The following POLR3G variants were observed in gnomAD, a reference collection of about 807,000 sequenced individuals.
POLR3G encodes the protein DNA-directed RNA polymerase III subunit RPC7.
A neutral mutation model predicts 30.1 loss-of-function variants in POLR3G; 28 were observed. That is an observed-to-expected ratio of 0.93 (90% CI 0.69 to 1.27). POLR3G has a LOEUF of 1.27. Among genes scored for constraint, POLR3G ranks in the 50% most tolerant of loss-of-function variants. The probability of loss-of-function intolerance (pLI) is 0.00; values close to 1 mark genes in which losing one functional copy is unlikely to be tolerated. For missense variants in POLR3G, 254 were observed against 264.6 expected (o/e 0.96, Z 0.28); for synonymous variants, 79 against 82.5 (o/e 0.96, Z 0.23).
At chr5:90,511,245 G>A (rs1415980438) in intron 7 of POLR3G, among the ~76,000 whole-genome samples, 2 of 152,042 alleles carry the variant, frequency 1.3e-5, no homozygotes, top group South Asian at 2.1e-4. Flanking sequence ...CAACATCACT[G>A]TATCATTATA....
rs1054964202 is a variant in POLR3G at position 90,500,166 on chromosome 5, AT to A, written c.356-1738del. Among the ~76,000 whole-genome samples, 64 of 152,262 alleles carry A rather than the reference AT, an allele frequency of 4.2e-4. 1 individual carries two copies. The highest frequency in any genetic ancestry group is 1.3e-3 in the African/African-American group (53 of 41,568). ...TTTGCTCTAGTATTTTTTATTACAT[AT>A]TGTGTAATTTTTATGTCTTGTTTCT... On this transcript the variant is annotated intron_variant, in intron 5 of 7. Coordinates refer to ENST00000651687, the MANE Select transcript of POLR3G (RefSeq NM_006467.3).
chr5:90,485,152 G>T (rs910581251), intron 1 of POLR3G, among the ~76,000 whole-genome samples: 2 of 152,156 alleles, frequency 1.3e-5, no homozygotes, highest in Non-Finnish European at 2.9e-5. Flanking sequence ...AAGTATATAT[G>T]ACTAATGATA....
At chr5:90,496,755 G>T (rs1752016479) in intron 4 of POLR3G, among the ~76,000 whole-genome samples, 1 of 152,126 alleles carries the variant, frequency 6.6e-6, no homozygotes, top group African/African-American at 2.4e-5. Context: ...AAACATAGAT[G>T]GCATTAACAG....
rs1247018668 is a variant in POLR3G, at chr5:90,512,544, G to C, written c.*405G>C. On this transcript the variant is annotated 3_prime_UTR_variant, in exon 8 of 8. Transcript: ENST00000651687. ...CCTGAAAGTTGATATAATACAGCAC[G>C]TGGAGCACTTTAAAAACAAAGAAAC... The C allele has an allele frequency of 6.3e-6, 1 of 158,290 alleles. No homozygotes were observed. Among genetic ancestry groups the C allele is most frequent in the Non-Finnish European group, 1.4e-5 (1 of 71,366 alleles). The allele number at this position is 158,290 out of a possible 1,614,324, so 9.8% of individuals were successfully genotyped here.
intron 7 of POLR3G, among the ~76,000 whole-genome samples, chr5:90,510,112 C>T (rs1752668779): frequency 6.6e-6 from 1 of 152,154 alleles, no homozygotes; most frequent in Non-Finnish European, 1.5e-5. Flanking sequence ...GGTCAATACT[C>T]TAGACAAGAC....
chr5:90,501,837 C>A, intron 5 of POLR3G, 69 bp from the exon 6 acceptor site: 1 of 1,570,250 alleles, frequency 6.4e-7, no homozygotes, highest in Non-Finnish European at 8.7e-7. Flanking sequence ...ACAGCATACG[C>A]AAAGACAAGG....
At chr5:90,494,094 C>G (rs906580163) in intron 3 of POLR3G, among the ~76,000 whole-genome samples, 10 of 152,122 alleles carry the variant, frequency 6.6e-5, no homozygotes, top group Non-Finnish European at 1.0e-4. Flanking sequence ...CTCCCTCCTT[C>G]CAACCCATGG....
chr5:90,498,383 T>C (rs1438811408), intron 5 of POLR3G, among the ~76,000 whole-genome samples: 1 of 152,160 alleles, frequency 6.6e-6, no homozygotes, highest in Non-Finnish European at 1.5e-5. Flanking sequence ...GTAGTGAGTG[T>C]ACTACCTAAT....
At chr5:90,492,593 G>C (rs1214807202) in intron 3 of POLR3G, among the ~76,000 whole-genome samples, 1 of 152,102 alleles carries the variant, frequency 6.6e-6, no homozygotes, top group Non-Finnish European at 1.5e-5. Context: ...ATAGAAGTAT[G>C]AGACATCAGC....
intron 7 of POLR3G, among the ~76,000 whole-genome samples, chr5:90,510,795 G>C (rs1288797712): frequency 6.6e-6 from 1 of 151,336 alleles, no homozygotes; most frequent in African/African-American, 2.4e-5. Flanking sequence ...TCTAAAGAAT[G>C]CATATACAGT....
rs1347103499 is a variant in POLR3G, at chr5:90,512,300, A to G, written c.*161A>G. On this transcript the variant is annotated 3_prime_UTR_variant, in exon 8 of 8. Transcript: ENST00000651687. ...CAAAACCACTTTGAGTTTACATACT[A>G]GTTACCTTAAAAATTATTCCCTGAC... is the stretch of plus-strand genomic sequence containing the variant. 2 of 566,474 alleles carry G rather than the reference A, an allele frequency of 3.5e-6. No homozygotes were observed. The highest frequency in any genetic ancestry group is 5.8e-5 in the East Asian group (2 of 34,604). 35.1% of individuals were successfully genotyped at this position (566,474 alleles called of 1,614,324 possible).
chr5:90,477,066 G>GGA (rs1750861497), intron 1 of POLR3G, among the ~76,000 whole-genome samples: 1 of 152,162 alleles, frequency 6.6e-6, no homozygotes, highest in Admixed American at 6.5e-5. Context: ...AGGCTCCCTG[G>GGA]GAGACAGATA....
chr5:90,474,176 C>T, upstream of POLR3G: 1 of 1,605,146 alleles, frequency 6.2e-7, no homozygotes. Flanking sequence ...CCACGTCCTG[C>T]TCGGAGCCGC....
At chr5:90,504,494 G>A (rs1450458758) in intron 6 of POLR3G, among the ~76,000 whole-genome samples, 2 of 151,480 alleles carry the variant, frequency 1.3e-5, no homozygotes, top group Non-Finnish European at 2.9e-5. Flanking sequence ...CCTGGGAGGT[G>A]GAGCTTGCAG....
chr5:90,501,398 C>T (rs970381941), intron 5 of POLR3G, among the ~76,000 whole-genome samples: 1 of 152,094 alleles, frequency 6.6e-6, no homozygotes, highest in East Asian at 1.9e-4. Context: ...ATGAATGATA[C>T]CAGTCATGTC....
chr5:90,480,205 G>T (rs1394534795), intron 1 of POLR3G, among the ~76,000 whole-genome samples: 1 of 152,172 alleles, frequency 6.6e-6, no homozygotes, highest in African/African-American at 2.4e-5. Context: ...CTAGAGTTTG[G>T]TGTATTGAAA....
intron 1 of POLR3G, among the ~76,000 whole-genome samples, chr5:90,475,662 C>T (rs1235211234): frequency 2.6e-5 from 4 of 152,058 alleles, no homozygotes; most frequent in African/African-American, 4.8e-5. Flanking sequence ...AACATCAGGT[C>T]ACTGTCTCCA....
intron 3 of POLR3G, among the ~76,000 whole-genome samples, chr5:90,492,563 G>T (rs1473737889): frequency 2.6e-5 from 4 of 152,046 alleles, no homozygotes; most frequent in Non-Finnish European, 4.4e-5. Flanking sequence ...AAAGAAGATG[G>T]CTGGGCCATC....
At chr5:90,485,248 T>G (rs1751378607) in intron 1 of POLR3G, among the ~76,000 whole-genome samples, 1 of 152,208 alleles carries the variant, frequency 6.6e-6, no homozygotes, top group African/African-American at 2.4e-5. Flanking sequence ...ACATCTGAGA[T>G]CCTACTGCCA....
Sources: gnomAD v4.1 joint callset for allele counts (sites outside exome capture counted in the v4.1 genomes callset) on GRCh38, gnomAD v4.1.1 for gene constraint, MANE v1.5 for transcripts, NCBI Gene and HGNC (gene_info 2026-07-23, HGNC 2026-07-21) for gene names.